SPOCK3: variants seen among roughly 807,000 people sequenced by gnomAD.
The protein encoded by SPOCK3 is SPARC (osteonectin), cwcv and kazal like domains proteoglycan 3, also known as testican-3.
A neutral mutation model predicts 56.6 loss-of-function variants in SPOCK3; 30 were observed. The ratio of observed to expected loss-of-function variants is 0.53; its 90% CI spans 0.40 to 0.72. The LOEUF (loss-of-function observed/expected upper bound fraction) is 0.72, where lower values mean the gene tolerates loss of function less well. SPOCK3 is among the 30% of genes least tolerant of loss of function. The pLI, the probability that SPOCK3 is intolerant of heterozygous loss-of-function variation, is 0.00. For synonymous variants in SPOCK3, 196 were observed against 183.3 expected (o/e 1.07, Z -0.56); for missense variants, 527 against 530.0 (o/e 0.99, Z 0.06).
chr4:167,199,690 AAATAAAT>A (rs1472130786), intron 2 of SPOCK3, among the ~76,000 whole-genome samples: 1 of 130,784 alleles, frequency 7.6e-6, no homozygotes, highest in Non-Finnish European at 1.6e-5. Context: ...ATAATGTGTG[AAATAAAT>A]AATAATAATA....
intron 8 of SPOCK3, among the ~76,000 whole-genome samples, chr4:166,743,087 T>A (rs544713460): frequency 6.6e-6 from 1 of 152,200 alleles, no homozygotes; most frequent in East Asian, 1.9e-4. Context: ...TACTAAGAGA[T>A]AACTGTATAT....
intron 2 of SPOCK3, among the ~76,000 whole-genome samples, chr4:167,077,774 T>C (rs1056840457): frequency 1.3e-4 from 20 of 151,940 alleles, no homozygotes; most frequent in African/African-American, 4.8e-4. Context: ...TTGTAATGTA[T>C]TTTGTATATT....
chr4:167,088,461 CTTTTT>C (rs538566191), intron 2 of SPOCK3, among the ~76,000 whole-genome samples: 3 of 111,114 alleles, frequency 2.7e-5, no homozygotes, highest in African/African-American at 7.6e-5. Flanking sequence ...CCTATGAAAA[CTTTTT>C]TTTTTTTTTT....
Position 167,234,148 on chromosome 4 carries a change from C to A in SPOCK3, c.26G>T (p.Cys9Phe), listed in dbSNP as rs149099740. The part of the protein sequence containing the change: MLKVSAVL[C>F]VCAAAWCSQS... ...ACTGCACCAAGCGGCTGCACACACA[C>A]ACAGTACGGCTGACACCTTGAGCAT... Residue 9 changes from cysteine (C) to phenylalanine (F), a missense_variant, in exon 2 of 11, where the codon TGT (cysteine) becomes TTT (phenylalanine). By Grantham distance (205) the Cys-to-Phe change is radical. Coordinates refer to ENST00000357545, the MANE Select transcript of SPOCK3 (RefSeq NM_001040159.2). 28 of 1,613,716 alleles carry A rather than the reference C, an allele frequency of 1.7e-5. No homozygotes were observed. The Admixed American group carries it at 4.7e-4, about 27-fold the overall frequency.
chr4:166,907,593 G>A (rs554479357), intron 5 of SPOCK3, among the ~76,000 whole-genome samples: 3 of 152,220 alleles, frequency 2.0e-5, no homozygotes, highest in East Asian at 1.9e-4. Flanking sequence ...GTTCCAGGGA[G>A]TAAGGATAGC....
At chr4:166,859,139 T>C (rs576588681) in intron 6 of SPOCK3, among the ~76,000 whole-genome samples, 1 of 152,306 alleles carries the variant, frequency 6.6e-6, no homozygotes, top group East Asian at 1.9e-4. Flanking sequence ...GTTTGTAGCC[T>C]AGGAGCAATA....
At chr4:167,192,693 A>T (rs184115335) in intron 2 of SPOCK3, among the ~76,000 whole-genome samples, 1 of 145,184 alleles carries the variant, frequency 6.9e-6, no homozygotes, top group Admixed American at 7.1e-5. Flanking sequence ...CAAGATGTAC[A>T]GTTATTTGTT....
At chr4:167,140,052 A>T (rs1240880468) in intron 2 of SPOCK3, among the ~76,000 whole-genome samples, 1 of 152,070 alleles carries the variant, frequency 6.6e-6, no homozygotes, top group East Asian at 1.9e-4. Context: ...AAGTTGTCAT[A>T]CAGAATGGCA....
chr4:166,961,179 T>A (rs894113570), intron 4 of SPOCK3, among the ~76,000 whole-genome samples: 5 of 151,750 alleles, frequency 3.3e-5, no homozygotes, highest in African/African-American at 1.2e-4. Context: ...TTTATACCCA[T>A]GAAATTCACA....
chr4:167,054,316 A>AT (rs1005769172), intron 3 of SPOCK3, among the ~76,000 whole-genome samples: 1 of 152,178 alleles, frequency 6.6e-6, no homozygotes, highest in African/African-American at 2.4e-5. Context: ...GTGAATATTT[A>AT]TTTTTGAAAG....
At chr4:166,891,661 A>G (rs923433523) in intron 5 of SPOCK3, among the ~76,000 whole-genome samples, 1 of 152,018 alleles carries the variant, frequency 6.6e-6, no homozygotes, top group African/African-American at 2.4e-5. Flanking sequence ...GAAGGTAGAC[A>G]TAAATAGTTA....
At chr4:166,930,102 T>C (rs1369945351) in intron 4 of SPOCK3, among the ~76,000 whole-genome samples, 1 of 152,186 alleles carries the variant, frequency 6.6e-6, no homozygotes, top group East Asian at 1.9e-4. Context: ...ATACTATTTT[T>C]ATTGAATCTT....
intron 3 of SPOCK3, among the ~76,000 whole-genome samples, chr4:167,027,121 G>A (rs557283723): frequency 6.6e-6 from 1 of 151,556 alleles, no homozygotes; most frequent in South Asian, 2.1e-4. Flanking sequence ...CATTCTTCAG[G>A]GAAGTTTTTC....
chr4:167,102,491 T>C (rs1195057399), intron 2 of SPOCK3: 1 of 152,152 alleles, frequency 6.6e-6, no homozygotes, highest in Non-Finnish European at 1.5e-5. Context: ...AAAGACAGTA[T>C]TGAACTGCTT....
intron 3 of SPOCK3, among the ~76,000 whole-genome samples, chr4:167,021,719 A>G (rs1257318731): frequency 3.3e-5 from 5 of 151,974 alleles, no homozygotes; most frequent in Admixed American, 1.3e-4. Flanking sequence ...ATCTATACAA[A>G]AAAAAGGTCA....
At chr4:167,052,871 A>G (rs2150223889) in intron 3 of SPOCK3, among the ~76,000 whole-genome samples, 1 of 152,312 alleles carries the variant, frequency 6.6e-6, no homozygotes, top group East Asian at 1.9e-4. Context: ...AAGAAGTGTA[A>G]TAATAGTGCA....
intron 2 of SPOCK3, among the ~76,000 whole-genome samples, chr4:167,181,175 A>G (rs1478604692): frequency 1.3e-5 from 2 of 151,700 alleles, no homozygotes; most frequent in Non-Finnish European, 2.9e-5. Context: ...CTCCCTAAAA[A>G]CCTCCTGAAT....
chr4:167,222,594 T>C (rs1001905762), intron 2 of SPOCK3, among the ~76,000 whole-genome samples: 5 of 141,444 alleles, frequency 3.5e-5, no homozygotes, highest in African/African-American at 1.3e-4. Flanking sequence ...GAATATATAA[T>C]ATATACACAT....
intron 5 of SPOCK3, among the ~76,000 whole-genome samples, chr4:166,891,757 T>G (rs1734810323): frequency 6.6e-6 from 1 of 152,018 alleles, no homozygotes; most frequent in African/African-American, 2.4e-5. Flanking sequence ...TAACTTAATA[T>G]TTCAGAACCC....
Sources: allele counts gnomAD v4.1 joint callset (sites outside exome capture counted in the v4.1 genomes callset), GRCh38; gene constraint gnomAD v4.1.1; transcripts MANE v1.5; gene names NCBI Gene and HGNC (gene_info 2026-07-23, HGNC 2026-07-21).